Variants in COL4A3 observed in about 807,000 individuals in gnomAD.
The protein encoded by COL4A3 is collagen type IV alpha 3 chain.
Under a neutral mutation model 217.4 loss-of-function variants are expected in COL4A3, and 135 were observed. That is an observed-to-expected ratio of 0.62 (90% CI 0.54 to 0.72). The LOEUF is 0.72. Among genes scored for constraint, COL4A3 ranks in the 30% least tolerant of loss-of-function variants. The probability of loss-of-function intolerance (pLI) is 0.00; values close to 1 mark genes in which losing one functional copy is unlikely to be tolerated. For missense variants in COL4A3, 1,868 were observed against 2,119.9 expected (o/e 0.88, Z 2.33); for synonymous variants, 690 against 736.3 (o/e 0.94, Z 1.02).
At chr2:227,289,098 C>T (rs1029754509) in intron 34 of COL4A3, 52 bp from the exon 35 acceptor site, 1 of 1,431,376 alleles carries the variant, frequency 7.0e-7, no homozygotes, top group Non-Finnish European at 9.7e-7. Context: ...TTACAGGCAC[C>T]TGCCACCACA....
intron 1 of COL4A3, among the ~76,000 whole-genome samples, chr2:227,179,244 C>G (rs1437270372): frequency 1.3e-5 from 2 of 152,174 alleles, no homozygotes; most frequent in Non-Finnish European, 2.9e-5. Context: ...AGACATCGTG[C>G]CTGGCCACAG....
chr2:227,313,595 G>A lies in COL4A3; in HGVS notation c.*1725G>A, dbSNP rs2073814098. ...TGCTTCAATCTCAATTGCTTTGTAAGTGAAAAACATGACCCAGAGGACAGC... is the reference window on the plus strand; with the variant it reads ...TGCTTCAATCTCAATTGCTTTGTAAATGAAAAACATGACCCAGAGGACAGC... On this transcript the variant is annotated 3_prime_UTR_variant, in exon 52 of 52. Transcript: ENST00000396578. The A allele has an allele frequency of 6.6e-6, 1 of 152,630 alleles. No individual in the cohort carries two copies. The highest frequency in any genetic ancestry group is 2.1e-4 in the South Asian group (1 of 4,824). 9.5% of individuals were successfully genotyped at this position (152,630 alleles called of 1,614,324 possible). A position where few individuals can be genotyped will look rare whatever the true frequency, so the allele number is the denominator to read the frequency against.
chr2:227,173,695 G>C (rs138092803), intron 1 of COL4A3, among the ~76,000 whole-genome samples: 1 of 152,290 alleles, frequency 6.6e-6, no homozygotes, highest in East Asian at 1.9e-4. Context: ...TTAAAAAATA[G>C]AGATGGATGA....
intron 41 of COL4A3, chr2:227,296,568 AAG>A (rs1283969853): frequency 1.2e-6 from 1 of 847,338 alleles, no homozygotes; most frequent in Non-Finnish European, 1.4e-6. Flanking sequence ...AAATCCTAAA[AAG>A]AAATCATATT....
chr2:227,249,526 A>T (rs1375962501), intron 9 of COL4A3, among the ~76,000 whole-genome samples: 2 of 151,818 alleles, frequency 1.3e-5, no homozygotes, highest in African/African-American at 4.8e-5. Context: ...ATAAGCCAAC[A>T]CGCCCAGCCA....
rs79846948 is a variant in COL4A3, at chr2:227,256,302, C to G, written c.934-41C>G. 9.8e-4 allele frequency: 1,559 copies of G among 1,592,914 alleles called. 19 individuals are homozygous for G. In the African/African-American group the frequency reaches 0.019, roughly 19 times the overall value. ...CCTGCTCCCCCAGAAGAAGTTGGCT[C>G]CTGTGTCTTCTGACCCATTTCTTTT... On this transcript the variant is annotated intron_variant, in intron 16 of 51. Coordinates refer to ENST00000396578, the MANE Select transcript of COL4A3 (RefSeq NM_000091.5).
intron 17 of COL4A3, among the ~76,000 whole-genome samples, chr2:227,257,047 A>C (rs1014098735): frequency 2.6e-5 from 4 of 152,238 alleles, no homozygotes; most frequent in African/African-American, 9.6e-5. Flanking sequence ...CTAAACATAG[A>C]AAATATGTAG....
intron 1 of COL4A3, among the ~76,000 whole-genome samples, chr2:227,185,119 C>G (rs1213829960): frequency 6.6e-6 from 1 of 152,066 alleles, no homozygotes; most frequent in Non-Finnish European, 1.5e-5. Context: ...CCAGGATGGT[C>G]TCAATCTTCT....
chr2:227,253,319 A>G lies in COL4A3; in HGVS notation c.669A>G (p.Ile223Met). Reference sequence around the variant, plus strand: ...AGGGTCACATGGGTGAAAGAGTGATAGGACATAAAGGAGAGCGGGTAATTT... The same window carrying G: ...AGGGTCACATGGGTGAAAGAGTGATGGGACATAAAGGAGAGCGGGTAATTT... ...GPKGHMGERV[I>M]GHKGERGVKG... Residue 223 changes from isoleucine to methionine, a missense_variant, in exon 12 of 52, where the codon ATA becomes ATG. By Grantham distance (10) the Ile-to-Met change is conservative. Transcript: ENST00000396578. This position sits in a 1 kb window ranked among gnomAD's most constrained non-coding sequence, Gnocchi z 4.4. 1 of 1,613,826 alleles carries G rather than the reference A, an allele frequency of 6.2e-7. No individual in the cohort carries two copies. Among genetic ancestry groups the G allele is most frequent in the Non-Finnish European group, 8.5e-7 (1 of 1,179,670 alleles).
intron 11 of COL4A3, among the ~76,000 whole-genome samples, chr2:227,252,453 T>G (rs897734878): frequency 6.6e-6 from 1 of 151,860 alleles, no homozygotes; most frequent in Non-Finnish European, 1.5e-5. Flanking sequence ...CGACCTCAGG[T>G]GATCCGCCCG....
At chr2:227,281,404 T>C (rs141112924) in intron 31 of COL4A3, among the ~76,000 whole-genome samples, 2 of 152,172 alleles carry the variant, frequency 1.3e-5, no homozygotes, top group Non-Finnish European at 2.9e-5. Flanking sequence ...TATGCAATGA[T>C]ACCAGTTTAA....
intron 1 of COL4A3, among the ~76,000 whole-genome samples, chr2:227,210,482 C>T (rs1380281886): frequency 3.3e-5 from 5 of 151,368 alleles, no homozygotes; most frequent in South Asian, 2.1e-4. Flanking sequence ...CCCAGCTACT[C>T]AGGAGGCTGA....
chr2:227,208,265 G>GACT (rs2067176239), intron 1 of COL4A3, among the ~76,000 whole-genome samples: 1 of 152,106 alleles, frequency 6.6e-6, no homozygotes, highest in Non-Finnish European at 1.5e-5. Flanking sequence ...GCCTTTGCAG[G>GACT]ACTAACAAAT....
intron 44 of COL4A3, 41 bp from the exon 45 acceptor site, chr2:227,303,818 T>G: frequency 1.9e-6 from 3 of 1,586,898 alleles, no homozygotes; most frequent in Non-Finnish European, 2.6e-6. Context: ...GGAAACCCAT[T>G]GATCTAAGTG....
chr2:227,290,006 A>G lies in COL4A3; in HGVS notation c.2988A>G (p.Arg996=). The G allele has an allele frequency of 2.5e-6, 4 of 1,614,050 alleles. No homozygotes were observed. The highest frequency in any genetic ancestry group is 3.4e-6 in the Non-Finnish European group (4 of 1,179,910). The change falls in exon 36 of 52, where the codon AGA becomes AGG. Residue 996 remains arginine (R), a synonymous_variant. Coordinates refer to ENST00000396578, the MANE Select transcript of COL4A3 (RefSeq NM_000091.5). ...LPGPAGPPGP[R]GDLGSTGNPG... ...TACTTATTTGTTCTCAAGGCCCCAG[A>G]GGAGATTTGGGCAGCACTGGGAATC... is the stretch of plus-strand genomic sequence containing the variant.
chr2:227,254,197 GT>G (rs751347595), intron 14 of COL4A3, 23 bp downstream of exon 14: 1 of 1,601,556 alleles, frequency 6.2e-7, no homozygotes, highest in Non-Finnish European at 8.6e-7. Context: ...AAGTTATATT[GT>G]CCCCATAACA....
Position 227,178,939 on chromosome 2 carries a change from T to C in COL4A3, c.87+14126T>C, listed in dbSNP as rs571598233. Among the ~76,000 whole-genome samples, 238 of 152,048 alleles carry C rather than the reference T, an allele frequency of 1.6e-3. 1 individual carries two copies. Among genetic ancestry groups the C allele is most frequent in the African/African-American group, 5.5e-3 (229 of 41,460 alleles). On this transcript the variant is annotated intron_variant, in intron 1 of 51. Transcript: ENST00000396578. ...GGATATTTGGTAGAGCCTTTTCCTTTAAAAAAATAAATCATCATTATTATT... is the reference window on the plus strand; with the variant it reads ...GGATATTTGGTAGAGCCTTTTCCTTCAAAAAAATAAATCATCATTATTATT...
intron 1 of COL4A3, among the ~76,000 whole-genome samples, chr2:227,183,066 A>G (rs1004193983): frequency 9.2e-5 from 14 of 152,236 alleles, no homozygotes; most frequent in African/African-American, 3.4e-4. Flanking sequence ...TCAATTGGAT[A>G]AATCACTGAA....
At position 227,257,759 on chromosome 2, in the gene COL4A3, C is replaced by T. The variant is rs193003659; in HGVS notation, c.1029+115C>T. The T allele has an allele frequency of 5.0e-4, 488 of 979,568 alleles. 3 individuals carry two copies. The highest frequency in any genetic ancestry group is 3.5e-3 in the Middle Eastern group (17 of 4,846). 60.7% of individuals were successfully genotyped at this position (979,568 alleles called of 1,614,324 possible). A position where few individuals can be genotyped will look rare whatever the true frequency, so the allele number is the denominator to read the frequency against. ...TGTGTGAGAGAGATTATAACATTTACCTTGTTGTCAAACCAGGGCAGAAAA... is the reference window on the plus strand; with the variant it reads ...TGTGTGAGAGAGATTATAACATTTATCTTGTTGTCAAACCAGGGCAGAAAA... On this transcript the variant is annotated intron_variant, in intron 18 of 51. Transcript: ENST00000396578.
Sources: allele counts gnomAD v4.1 joint callset (sites outside exome capture counted in the v4.1 genomes callset), GRCh38; gene constraint gnomAD v4.1.1; non-coding constraint Gnocchi (gnomAD v3.1); transcripts MANE v1.5; gene names NCBI Gene and HGNC (gene_info 2026-07-23, HGNC 2026-07-21).